Variants in FAM98A observed in about 807,000 individuals in gnomAD.
FAM98A encodes protein FAM98A.
Under a neutral mutation model 62.9 loss-of-function variants are expected in FAM98A, and 25 were observed. The observed-to-expected ratio is 0.40, with a 90% CI of 0.29 to 0.56. The LOEUF is 0.56. FAM98A is among the 20% of genes least tolerant of loss of function. The pLI is 0.51. For synonymous variants in FAM98A, 252 were observed against 228.6 expected (o/e 1.10, Z -0.92); for missense variants, 653 against 640.7 (o/e 1.02, Z -0.21).
At chr2:33,596,150 C>A (rs1372499135) in intron 1 of FAM98A, among the ~76,000 whole-genome samples, 1 of 151,446 alleles carries the variant, frequency 6.6e-6, no homozygotes, top group African/African-American at 2.4e-5. Context: ...CCAAACCTGG[C>A]TTTTTTTTTA....
intron 1 of FAM98A, 147 bp downstream of exon 1, chr2:33,599,022 T>G: frequency 1.4e-6 from 1 of 734,018 alleles, no homozygotes; most frequent in Middle Eastern, 3.6e-4. Context: ...GGACGTGGCA[T>G]TGGGGGTGCC....
In FAM98A at chr2:33,586,450, CTA is replaced by C. The variant is rs1572415535; in HGVS notation, c.720+110_720+111del. 13 of 640,158 alleles carry C rather than the reference CTA, an allele frequency of 2.0e-5. No individual in the cohort carries two copies. The East Asian group carries it at 3.3e-4, about 16-fold the overall frequency. The allele number at this position is 640,158 out of a possible 1,614,324, so 39.7% of individuals were successfully genotyped here. ...TCAATAACTCACTAAGGAAAAATCC[CTA>C]TGTGTGTCTTCTATGTACTTCTCCC... On this transcript the variant is annotated intron_variant, in intron 6 of 7. Transcript: ENST00000238823.
chr2:33,588,297 G>A, intron 4 of FAM98A, 38 bp downstream of exon 4: 2 of 1,454,184 alleles, frequency 1.4e-6, no homozygotes, highest in East Asian at 2.3e-5. Flanking sequence ...GTAGGACTAT[G>A]CCTTTAATAC....
At position 33,588,503 on chromosome 2, in the gene FAM98A, T is replaced by C; in HGVS notation, c.354A>G (p.Glu118=). Residue 118 remains glutamate, a synonymous_variant, in exon 4 of 8, where the codon GAA becomes GAG. Transcript: ENST00000238823. ...CACAGAGCATTCTGGCAGCTTCTAG[T>C]TCTGAGATGAGGTATGCTGAAGTAA... ...CLLLLTYLIS[E]LEAARMLCVN... is the part of the protein sequence containing the mutation. 1.9e-6 allele frequency: 3 copies of C among 1,613,546 alleles called. No individual in the cohort carries two copies. Among genetic ancestry groups the C allele is most frequent in the Non-Finnish European group, 2.5e-6 (3 of 1,179,728 alleles).
At position 33,588,428 on chromosome 2, in the gene FAM98A, A is replaced by G. The variant is rs779823631; in HGVS notation, c.429T>C (p.Phe143=). 1 of 1,613,818 alleles carries G rather than the reference A, an allele frequency of 6.2e-7. No individual in the cohort carries two copies. The highest frequency in any genetic ancestry group is 1.1e-5 in the South Asian group (1 of 91,076). ...KAQEGGGSEV[F]QELKGICIAL... ...CAATACATATGCCTTTCAACTCTTG[A>G]AAGACCTCACTACCGCCTCCTTCTT... The change falls in exon 4 of 8, where the codon TTT becomes TTC. Residue 143 remains phenylalanine, a synonymous_variant. Coordinates refer to ENST00000238823, the MANE Select transcript of FAM98A (RefSeq NM_015475.5).
At chr2:33,595,773 G>T (rs1572420470) in intron 1 of FAM98A, 136 bp from the exon 2 acceptor site, 8 of 577,778 alleles carry the variant, frequency 1.4e-5, no homozygotes, top group Non-Finnish European at 2.2e-5. Context: ...ATTTTAAATG[G>T]ACAAATATAA....
At chr2:33,586,738 AG>A in intron 5 of FAM98A, 60 bp from the exon 6 acceptor site, 4 of 1,112,152 alleles carry the variant, frequency 3.6e-6, no homozygotes, top group Non-Finnish European at 5.5e-6. Flanking sequence ...CTGTCCCAAA[AG>A]GGCAAAAACT....
chr2:33,584,870 T>C lies in FAM98A; in HGVS notation c.1463A>G (p.Tyr488Cys). Residue 488 changes from tyrosine (Y) to cysteine (C), a missense_variant, in exon 8 of 8, where the codon TAT becomes TGT. By Grantham distance (194) the Tyr-to-Cys change is radical. Transcript: ENST00000238823. ...GGWGGRGSQN[Y>C]HQGGQFEQHF... ...CTGTTCAAATTGACCCCCTTGGTGA[T>C]AATTCTGGCTCCCTCTTCCTCCCCA... 6.2e-7 allele frequency: 1 copy of C among 1,614,144 alleles called. No individual in the cohort carries two copies. The highest frequency in any genetic ancestry group is 8.5e-7 in the Non-Finnish European group (1 of 1,180,026).
Position 33,594,658 on chromosome 2 carries a change from TATATATACAC to T in FAM98A, c.202+821_202+830del, listed in dbSNP as rs1677758935. ...ATATACACATATATATATACACACA[TATATATACAC>T]ATATATATATACACACATATATATA... On this transcript the variant is annotated intron_variant, in intron 2 of 7. Coordinates refer to ENST00000238823, the MANE Select transcript of FAM98A (RefSeq NM_015475.5). 4.3e-5 allele frequency among the ~76,000 whole-genome samples: 5 copies of T among 115,942 alleles called. 2 individuals carry two copies. The highest frequency in any genetic ancestry group is 1.8e-4 in the Admixed American group (2 of 11,272). 76.1% of individuals were successfully genotyped at this position (115,942 alleles called of 152,430 possible). A position where few individuals can be genotyped will look rare whatever the true frequency, so the allele number is the denominator to read the frequency against.
chr2:33,591,183 T>G (rs1212025218), intron 3 of FAM98A, among the ~76,000 whole-genome samples: 1 of 146,512 alleles, frequency 6.8e-6, no homozygotes, highest in African/African-American at 2.5e-5. Context: ...CTAAGTATAA[T>G]GGCTATGAAC....
intron 6 of FAM98A, 24 bp downstream of exon 6, chr2:33,586,538 T>C (rs373278223): frequency 7.7e-6 from 11 of 1,420,236 alleles, no homozygotes; most frequent in Middle Eastern, 1.7e-4. Flanking sequence ...AATAGTCTGC[T>C]CTTTTAAATT....
At chr2:33,594,924 T>G (rs1309497623) in intron 2 of FAM98A, among the ~76,000 whole-genome samples, 1 of 152,158 alleles carries the variant, frequency 6.6e-6, no homozygotes. Flanking sequence ...GTCGACAAAC[T>G]AGTGCAACAG....
chr2:33,589,506 T>C (rs1168824685), intron 3 of FAM98A: 1 of 152,126 alleles, frequency 6.6e-6, no homozygotes, highest in African/African-American at 2.4e-5. Flanking sequence ...AAAGTCAACT[T>C]GTGTATCAAA....
At chr2:33,588,971 TA>T (rs1677615966) in intron 3 of FAM98A, 1 of 152,436 alleles carries the variant, frequency 6.6e-6, no homozygotes, top group Admixed American at 6.5e-5. Flanking sequence ...TGTCTCCCAT[TA>T]ATTAGGAGCC....
intron 3 of FAM98A, among the ~76,000 whole-genome samples, chr2:33,590,421 T>C (rs1352736364): frequency 2.0e-5 from 3 of 152,058 alleles, no homozygotes; most frequent in Non-Finnish European, 2.9e-5. Flanking sequence ...AATTATAGCA[T>C]CCAGATGTGA....
chr2:33,592,305 G>A, intron 2 of FAM98A, 91 bp from the exon 3 acceptor site: 2 of 1,059,358 alleles, frequency 1.9e-6, no homozygotes, highest in Non-Finnish European at 2.7e-6. Context: ...TTGTTAATAG[G>A]ATTTTCATAA....
chr2:33,590,388 A>G (rs1386865726), intron 3 of FAM98A, among the ~76,000 whole-genome samples: 4 of 152,114 alleles, frequency 2.6e-5, no homozygotes, highest in Non-Finnish European at 2.9e-5. Context: ...CAAGTTAGTG[A>G]GGTAAGGGTG....
intron 1 of FAM98A, 44 bp downstream of exon 1, chr2:33,599,125 C>T (rs1280472833): frequency 1.3e-6 from 2 of 1,550,464 alleles, no homozygotes; most frequent in East Asian, 2.2e-5. Flanking sequence ...TCCCAGGGGG[C>T]CGGCAGCGTG....
At chr2:33,594,672 TATATATAC>T (rs1677760195) in intron 2 of FAM98A, among the ~76,000 whole-genome samples, 1 of 54,366 alleles carries the variant, frequency 1.8e-5, no homozygotes, top group Non-Finnish European at 3.3e-5. Context: ...TATACACATA[TATATATAC>T]ACACATATAT....
Sources: allele counts gnomAD v4.1 joint callset (sites outside exome capture counted in the v4.1 genomes callset), GRCh38; gene constraint gnomAD v4.1.1; transcripts MANE v1.5; gene names NCBI Gene and HGNC (gene_info 2026-07-23, HGNC 2026-07-21).